The following PXDN variants were observed in gnomAD, a reference collection of about 807,000 sequenced individuals.
PXDN encodes the protein peroxidasin, also known as peroxidasin homolog.
In PXDN, 77 loss-of-function variants were observed where a neutral mutation model predicts 140.3. The observed-to-expected ratio is 0.55, with a 90% CI of 0.46 to 0.66. The LOEUF is 0.66. Ranked by LOEUF, PXDN falls within the 30% of genes least tolerant of loss-of-function variation. The pLI is 0.00. For missense variants in PXDN, 1,838 were observed against 2,039.5 expected (o/e 0.90, Z 1.90); for synonymous variants, 911 against 857.4 (o/e 1.06, Z -1.09).
At chr2:1,681,010 GGGGAAGAAGTTGTCT>G (rs1405494071) in intron 6 of PXDN, among the ~76,000 whole-genome samples, 6 of 152,228 alleles carry the variant, frequency 3.9e-5, no homozygotes, top group Admixed American at 3.9e-4. Context: ...CTCCGCACAC[GGGGAAGAAGTTGTCT>G]GGGGGACAGA....
chr2:1,658,208 G>A (rs1213468893), intron 14 of PXDN, among the ~76,000 whole-genome samples: 4 of 151,918 alleles, frequency 2.6e-5, no homozygotes, highest in African/African-American at 4.8e-5. Flanking sequence ...GTCCTCCACA[G>A]CATCTCCCTG....
rs201964823 is a variant in PXDN, at chr2:1,680,232, G to A, written c.691C>T (p.Arg231Cys). The change falls in exon 7 of 23, where the codon CGC becomes TGC. Residue 231 changes from arginine to cysteine, a missense_variant. Arg to Cys is a radical substitution (Grantham distance 180). Transcript: ENST00000252804. ...ICEYPRRIQGRSVATITPEEL... is the reference protein window; with the variant it reads ...ICEYPRRIQGCSVATITPEEL... ...TCCGGGGTGATGGTTGCCACTGAGCGTCCCTGGATGCGTCTGGGATATTCA... is the reference window on the plus strand; with the variant it reads ...TCCGGGGTGATGGTTGCCACTGAGCATCCCTGGATGCGTCTGGGATATTCA... 6.2e-6 allele frequency: 10 copies of A among 1,605,394 alleles called. No individual in the cohort carries two copies. Among genetic ancestry groups the A allele is most frequent in the East Asian group, 2.2e-5 (1 of 44,468 alleles).
chr2:1,685,220 C>A lies in PXDN; in HGVS notation c.417-1069G>T, dbSNP rs1349451256. On this transcript the variant is annotated intron_variant, in intron 4 of 22. Transcript: ENST00000252804. The surrounding 1 kb of genome is among the most constrained non-coding windows in gnomAD (Gnocchi z 5.1). The stretch of plus-strand genomic sequence containing the variant: ...CACCTGCAGCCGGAGGGCCCCCAAA[C>A]GCAGACCATCCCTGCCCCTTGCCCC... Among the ~76,000 whole-genome samples, 11 of 152,236 alleles carry A rather than the reference C, an allele frequency of 7.2e-5. 1 individual carries two copies. Among genetic ancestry groups the A allele is most frequent in the Admixed American group, 7.2e-4 (11 of 15,286 alleles).
intron 11 of PXDN, chr2:1,664,660 T>C: frequency 2.8e-6 from 1 of 359,766 alleles, no homozygotes; most frequent in Non-Finnish European, 5.1e-6. Context: ...TCCTAGAGAC[T>C]ATCTGAAACA....
At chr2:1,681,567 G>A (rs1000695448) in intron 6 of PXDN, among the ~76,000 whole-genome samples, 1 of 152,058 alleles carries the variant, frequency 6.6e-6, no homozygotes, top group Non-Finnish European at 1.5e-5. Context: ...GCTCCAGGAG[G>A]GGAAGGGGAG....
At chr2:1,688,539 CT>C (rs1292007443) in intron 3 of PXDN, among the ~76,000 whole-genome samples, 2 of 152,200 alleles carry the variant, frequency 1.3e-5, no homozygotes, top group African/African-American at 4.8e-5. Flanking sequence ...GCCCACCCAT[CT>C]CGGACATGAC....
intron 1 of PXDN, among the ~76,000 whole-genome samples, chr2:1,710,067 G>A (rs1369861748): frequency 6.6e-6 from 1 of 152,170 alleles, no homozygotes; most frequent in African/African-American, 2.4e-5. Flanking sequence ...GCTGCGGAGA[G>A]GAGAACATCT....
intron 1 of PXDN, among the ~76,000 whole-genome samples, chr2:1,710,923 C>T (rs551786393): frequency 1.6e-5 from 2 of 124,254 alleles, no homozygotes; most frequent in African/African-American, 3.0e-5. Flanking sequence ...GCACCCACTC[C>T]ACCAGCACCC....
chr2:1,718,483 C>T (rs1182370795), intron 1 of PXDN, among the ~76,000 whole-genome samples: 1 of 152,168 alleles, frequency 6.6e-6, no homozygotes, highest in Non-Finnish European at 1.5e-5. Context: ...TAACCTACTC[C>T]ACTAACCTAC....
chr2:1,705,841 A>T (rs1291132777), intron 1 of PXDN, among the ~76,000 whole-genome samples: 2 of 151,948 alleles, frequency 1.3e-5, no homozygotes, highest in African/African-American at 4.8e-5. Flanking sequence ...CGCAGGGTGC[A>T]GGGCACGGCT....
At chr2:1,642,190 AG>A (rs1682742874) in intron 19 of PXDN, among the ~76,000 whole-genome samples, 2 of 152,122 alleles carry the variant, frequency 1.3e-5, no homozygotes, top group Admixed American at 1.3e-4. Context: ...AGGCAGATGC[AG>A]GATTAGATCA....
At position 1,737,202 on chromosome 2, in the gene PXDN, C is replaced by A. The variant is rs568090930; in HGVS notation, c.200+7054G>T. Among the ~76,000 whole-genome samples the A allele has an allele frequency of 4.6e-5, 7 of 152,294 alleles. No individual in the cohort carries two copies. In the South Asian group the frequency reaches 1.5e-3, roughly 32 times the overall value. On this transcript the variant is annotated intron_variant, in intron 1 of 22. Transcript: ENST00000252804. ...CCAGAACACCCAAGGCCCTCAGACG[C>A]CCGGAGGACGGCTGCCATTCTTCAC... is the stretch of plus-strand genomic sequence containing the variant.
Position 1,638,827 on chromosome 2 carries a change from A to G in PXDN, c.4206+19T>C. The G allele has an allele frequency of 1.9e-6, 3 of 1,613,874 alleles. No individual in the cohort carries two copies. The highest frequency in any genetic ancestry group is 1.1e-5 in the South Asian group (1 of 91,084). On this transcript the variant is annotated intron_variant, in intron 21 of 22. Coordinates refer to ENST00000252804, the MANE Select transcript of PXDN (RefSeq NM_012293.3). ...GTGGAATCTTGGAGTGGGGGGACAC[A>G]GGCCGCCAGGCACCTCACCTGTGTT...
intron 14 of PXDN, among the ~76,000 whole-genome samples, chr2:1,659,757 C>G (rs1683259643): frequency 6.6e-6 from 1 of 152,208 alleles, no homozygotes; most frequent in Non-Finnish European, 1.5e-5. Flanking sequence ...ACATTTCACA[C>G]TCTACATATA....
chr2:1,643,316 T>G, intron 19 of PXDN, 52 bp downstream of exon 19: 5 of 1,571,482 alleles, frequency 3.2e-6, no homozygotes, highest in Non-Finnish European at 3.5e-6. Flanking sequence ...CGCCAAGCAG[T>G]CACCAAAACC....
chr2:1,690,657 A>G (rs1684164991), intron 3 of PXDN, among the ~76,000 whole-genome samples: 1 of 150,958 alleles, frequency 6.6e-6, no homozygotes, highest in Non-Finnish European at 1.5e-5. Context: ...CCAAAAAAAA[A>G]AAAAAAAAAA....
chr2:1,686,461 G>T (rs1466680447), intron 4 of PXDN, among the ~76,000 whole-genome samples: 1 of 151,956 alleles, frequency 6.6e-6, no homozygotes, highest in African/African-American at 2.4e-5. Flanking sequence ...AATAACACTG[G>T]ACTCACCCAG....
intron 1 of PXDN, among the ~76,000 whole-genome samples, chr2:1,708,389 G>A (rs1468540386): frequency 6.6e-6 from 1 of 152,218 alleles, no homozygotes; most frequent in Admixed American, 6.5e-5. Context: ...GAGGCCCCCT[G>A]TGGATGGACT....
chr2:1,649,412 G>T lies in PXDN; in HGVS notation c.2368C>A (p.His790Asn), dbSNP rs1371024078. ...ACCAGGCGCGGCATGGGAAGGGCGT[G>T]CCCGTTGTACAGTCGGTGGGGGTTG... ...GINPHRLYNG[H>N]ALPMPRLVST... Residue 790 changes from histidine to asparagine, a missense_variant, in exon 17 of 23, where the codon CAC becomes AAC. Coordinates refer to ENST00000252804, the MANE Select transcript of PXDN (RefSeq NM_012293.3). This position sits in a 1 kb window ranked among gnomAD's most constrained non-coding sequence, Gnocchi z 7.1. 5.6e-6 allele frequency: 9 copies of T among 1,613,868 alleles called. No individual in the cohort carries two copies.
Sources: gnomAD v4.1 joint callset for allele counts (sites outside exome capture counted in the v4.1 genomes callset) on GRCh38, gnomAD v4.1.1 for gene constraint, Gnocchi (gnomAD v3.1) non-coding constraint, MANE v1.5 for transcripts, NCBI Gene and HGNC (gene_info 2026-07-23, HGNC 2026-07-21) for gene names.